The following GLRA1 variants were observed in gnomAD, a reference collection of about 807,000 sequenced individuals.
The protein encoded by GLRA1 is glycine receptor subunit alpha-1.
A neutral mutation model predicts 48.3 loss-of-function variants in GLRA1; 37 were observed. That is an observed-to-expected ratio of 0.77 (90% CI 0.59 to 1.01). The LOEUF (loss-of-function observed/expected upper bound fraction) is 1.01. GLRA1 is among the 50% of genes least tolerant of loss of function. GLRA1 has a pLI of 0.00. For missense variants in GLRA1, 427 were observed against 571.0 expected, an observed-to-expected ratio of 0.75 and a Z score of 2.57; for synonymous variants, 196 against 210.7, an observed-to-expected ratio of 0.93 and a Z score of 0.60.
chr5:151,857,629 G>A (rs1005202408), intron 4 of GLRA1, among the ~76,000 whole-genome samples: 10 of 152,344 alleles, frequency 6.6e-5, no homozygotes, highest in African/African-American at 2.4e-4. Flanking sequence ...GTAGGCTCAT[G>A]CTGGGGTCGA....
At chr5:151,879,679 C>T (rs1164110607) in intron 3 of GLRA1, among the ~76,000 whole-genome samples, 1 of 152,146 alleles carries the variant, frequency 6.6e-6, no homozygotes, top group Non-Finnish European at 1.5e-5. Flanking sequence ...TTTACAGGCT[C>T]ATAGATGGAA....
intron 1 of GLRA1, among the ~76,000 whole-genome samples, chr5:151,900,679 A>G (rs185781485): frequency 1.3e-5 from 2 of 152,182 alleles, no homozygotes; most frequent in Non-Finnish European, 2.9e-5. Flanking sequence ...TCTTTTTCTC[A>G]TCTTCCTTCT....
intron 1 of GLRA1, among the ~76,000 whole-genome samples, chr5:151,915,896 A>G (rs928570515): frequency 2.6e-5 from 4 of 152,214 alleles, no homozygotes; most frequent in East Asian, 3.8e-4. Flanking sequence ...ATAAATGCCT[A>G]TCTGGCCAAG....
intron 1 of GLRA1, among the ~76,000 whole-genome samples, chr5:151,903,723 G>A (rs1267669082): frequency 6.6e-6 from 1 of 152,214 alleles, no homozygotes; most frequent in African/African-American, 2.4e-5. Flanking sequence ...ACTGAGAATA[G>A]CAAAGGCTAC....
chr5:151,899,814 C>A (rs1052673832), intron 1 of GLRA1, among the ~76,000 whole-genome samples: 1 of 152,124 alleles, frequency 6.6e-6, no homozygotes, highest in Non-Finnish European at 1.5e-5. Context: ...TGCCCTGAGC[C>A]CAATTCACCT....
chr5:151,887,603 A>G (rs2040926694), intron 2 of GLRA1, among the ~76,000 whole-genome samples: 2 of 152,344 alleles, frequency 1.3e-5, no homozygotes, highest in African/African-American at 4.8e-5. Flanking sequence ...TCATGCCTAC[A>G]TAACTAGTAA....
In GLRA1 at chr5:151,833,796, CA is replaced by C. The variant is rs757336792; in HGVS notation, c.913-4730del. 9.2e-3 allele frequency among the ~76,000 whole-genome samples: 593 copies of C among 64,770 alleles called. 10 individuals carry two copies. The highest frequency in any genetic ancestry group is 0.029 in the African/African-American group (459 of 15,888). 42.5% of individuals were successfully genotyped at this position (64,770 alleles called of 152,430 possible). ...GGATATTTACCAAGGAAGTGGAAAGCAAAAAAAAAAAAAAAAAAAGCAGGGG... is the reference window on the plus strand; with the variant it reads ...GGATATTTACCAAGGAAGTGGAAAGCAAAAAAAAAAAAAAAAAAGCAGGGG... On this transcript the variant is annotated intron_variant, in intron 7 of 8. Coordinates refer to ENST00000274576, the MANE Select transcript of GLRA1 (RefSeq NM_000171.4).
chr5:151,894,333 C>T (rs1203841126), intron 1 of GLRA1, among the ~76,000 whole-genome samples: 1 of 152,158 alleles, frequency 6.6e-6, no homozygotes, highest in African/African-American at 2.4e-5. Flanking sequence ...ACCACCCTGG[C>T]CTCTTCCTTA....
chr5:151,900,256 A>G (rs1754331421), intron 1 of GLRA1, among the ~76,000 whole-genome samples: 1 of 152,128 alleles, frequency 6.6e-6, no homozygotes, highest in South Asian at 2.1e-4. Context: ...TGAGCACCTC[A>G]TTAAATTTTG....
intron 2 of GLRA1, among the ~76,000 whole-genome samples, chr5:151,889,841 A>C (rs984560652): frequency 3.3e-5 from 5 of 152,148 alleles, no homozygotes; most frequent in Admixed American, 6.5e-5. Flanking sequence ...CTCAGTACAA[A>C]GGAGGGCAGA....
chr5:151,823,314 G>A (rs1763191049), intron 8 of GLRA1, among the ~76,000 whole-genome samples: 1 of 152,070 alleles, frequency 6.6e-6, no homozygotes, highest in African/African-American at 2.4e-5. Context: ...TTCTACCTGG[G>A]GGATAAGATT....
At chr5:151,879,862 G>A (rs1050031238) in intron 3 of GLRA1, among the ~76,000 whole-genome samples, 2 of 152,214 alleles carry the variant, frequency 1.3e-5, no homozygotes, top group Admixed American at 1.3e-4. Flanking sequence ...TGTCCCCACT[G>A]AAATCTCATC....
intron 1 of GLRA1, among the ~76,000 whole-genome samples, chr5:151,898,419 G>A (rs1754276976): frequency 6.6e-6 from 1 of 152,064 alleles, no homozygotes; most frequent in Non-Finnish European, 1.5e-5. Context: ...ATTGAAATAG[G>A]GAATCAATAT....
intron 7 of GLRA1, among the ~76,000 whole-genome samples, chr5:151,829,455 T>G (rs912286305): frequency 9.2e-5 from 14 of 152,106 alleles, no homozygotes; most frequent in Admixed American, 2.0e-4. Flanking sequence ...TCCAAAAAAT[T>G]AATGAGAACA....
chr5:151,881,197 A>G (rs765128009), intron 3 of GLRA1, among the ~76,000 whole-genome samples: 3 of 152,080 alleles, frequency 2.0e-5, no homozygotes, highest in Admixed American at 6.5e-5. Flanking sequence ...ACTTACACAC[A>G]TTTGTCCAGA....
chr5:151,898,617 G>T (rs1208368788), intron 1 of GLRA1, among the ~76,000 whole-genome samples: 2 of 152,100 alleles, frequency 1.3e-5, no homozygotes, highest in African/African-American at 4.8e-5. Context: ...GATGGAAAAG[G>T]GGGAGGAAAG....
chr5:151,863,072 A>G (rs185055206), intron 3 of GLRA1, among the ~76,000 whole-genome samples: 1 of 151,462 alleles, frequency 6.6e-6, no homozygotes, highest in African/African-American at 2.4e-5. Flanking sequence ...TCTCAATAGC[A>G]GAAAACTGGG....
intron 7 of GLRA1, chr5:151,849,909 A>G: frequency 6.5e-7 from 1 of 1,530,416 alleles, no homozygotes; most frequent in South Asian, 1.3e-5. Flanking sequence ...AGTGACATGC[A>G]TTTCATGCCT....
intron 7 of GLRA1, among the ~76,000 whole-genome samples, chr5:151,847,824 A>G (rs1328743251): frequency 6.6e-6 from 1 of 152,190 alleles, no homozygotes; most frequent in Admixed American, 6.5e-5. Context: ...CTGAAAGAAA[A>G]ATAGTGCCTG....
Sources: gnomAD v4.1 joint callset for allele counts (sites outside exome capture counted in the v4.1 genomes callset) on GRCh38, gnomAD v4.1.1 for gene constraint, MANE v1.5 for transcripts, NCBI Gene and HGNC (gene_info 2026-07-23, HGNC 2026-07-21) for gene names.